INTS2: variants seen among roughly 807,000 people sequenced by gnomAD.
INTS2 encodes the protein integrator complex subunit 2, also known as KIAA1287.
Under a neutral mutation model 139.6 loss-of-function variants are expected in INTS2, and 57 were observed. The ratio of observed to expected loss-of-function variants is 0.41; its 90% CI spans 0.33 to 0.51. The LOEUF (loss-of-function observed/expected upper bound fraction) is 0.51, where lower values mean the gene tolerates loss of function less well. INTS2 is among the 20% of genes least tolerant of loss of function. The probability of loss-of-function intolerance (pLI) is 0.28; values close to 1 mark genes in which losing one functional copy is unlikely to be tolerated. For missense variants in INTS2, 1,196 were observed against 1,436.7 expected, an observed-to-expected ratio of 0.83 and a Z score of 2.71; for synonymous variants, 473 against 493.4, an observed-to-expected ratio of 0.96 and a Z score of 0.55.
At position 61,871,520 on chromosome 17, in the gene INTS2, T is replaced by C. The variant is rs1441936475; in HGVS notation, c.2778+745A>G. On this transcript the variant is annotated intron_variant, in intron 20 of 24. Coordinates refer to ENST00000251334, the MANE Select transcript of INTS2 (RefSeq NM_001351695.2). The surrounding 1 kb of genome is among the most constrained non-coding windows in gnomAD (Gnocchi z 4.9). The stretch of plus-strand genomic sequence containing the variant: ...TACATGCAGTTGTTTTTCTGTTGTC[T>C]GTCTCCATAATTTGACATTTGATCT... 6.6e-6 allele frequency among the ~76,000 whole-genome samples: 1 copy of C among 152,248 alleles called. No homozygotes were observed. Among genetic ancestry groups the C allele is most frequent in the Admixed American group, 6.5e-5 (1 of 15,286 alleles).
rs535460166 is a variant in INTS2, at chr17:61,922,969, C to G, written c.433-1142G>C. On this transcript the variant is annotated intron_variant, in intron 3 of 24. Transcript: ENST00000251334. ...GCGGGTGCCTGTAATTCTAGCTACT[C>G]AGGAGGCTGAGGCAGGAGAATCGCT... is the stretch of plus-strand genomic sequence containing the variant. Among the ~76,000 whole-genome samples, 3 of 150,842 alleles carry G rather than the reference C, an allele frequency of 2.0e-5. No individual in the cohort carries two copies. In the East Asian group the frequency reaches 5.9e-4, roughly 30 times the overall value.
chr17:61,893,845 T>C lies in INTS2; in HGVS notation c.1618A>G (p.Ile540Val), dbSNP rs913404570. ...VPVTSNLSAN[I>V]TGFLPIHCIY... The stretch of plus-strand genomic sequence containing the variant: ...CAATGAATAGGCAAAAATCCAGTAA[T>C]GTTGGCACTCAGGTTGCTGGTGACA... Residue 540 changes from isoleucine to valine, a missense_variant, in exon 13 of 25, where the codon ATT becomes GTT. This residue lies in a region of INTS2 where 1,129 missense variants were observed against 1,341.9 expected (regional missense o/e 0.84). Coordinates refer to ENST00000251334, the MANE Select transcript of INTS2 (RefSeq NM_001351695.2). This position sits in a 1 kb window ranked among gnomAD's most constrained non-coding sequence, Gnocchi z 5.4. 6.9e-6 allele frequency: 11 copies of C among 1,582,842 alleles called. No individual in the cohort carries two copies. The highest frequency in any genetic ancestry group is 1.7e-4 in the Middle Eastern group (1 of 6,034).
chr17:61,897,513 G>T lies in INTS2; in HGVS notation c.1450C>A (p.Leu484Ile). The T allele has an allele frequency of 6.2e-7, 1 of 1,603,578 alleles. No homozygotes were observed. Among genetic ancestry groups the T allele is most frequent in the African/African-American group, 1.3e-5 (1 of 74,782 alleles). ...CAGACCAAGTCAATGATAGCACTAAGCTGGTTGCTGTGAAAGTACATAGCC... is the reference window on the plus strand; with the variant it reads ...CAGACCAAGTCAATGATAGCACTAATCTGGTTGCTGTGAAAGTACATAGCC... The part of the protein sequence containing the change: ...LVAMYFHSNQ[L>I]SAIIDLVCST... Residue 484 changes from leucine (L) to isoleucine (I), a missense_variant, in exon 11 of 25, where the codon CTT (leucine) becomes ATT (isoleucine). By Grantham distance (5) the Leu-to-Ile change is conservative. This residue lies in a region of INTS2 where 1,129 missense variants were observed against 1,341.9 expected (regional missense o/e 0.84). Transcript: ENST00000251334. This position sits in a 1 kb window ranked among gnomAD's most constrained non-coding sequence, Gnocchi z 4.4.
Position 61,876,488 on chromosome 17 carries a change from G to A in INTS2, c.2456+1399C>T, listed in dbSNP as rs2079128330. On this transcript the variant is annotated intron_variant, in intron 18 of 24. Coordinates refer to ENST00000251334, the MANE Select transcript of INTS2 (RefSeq NM_001351695.2). The surrounding 1 kb of genome is among the most constrained non-coding windows in gnomAD (Gnocchi z 4.1). The stretch of plus-strand genomic sequence containing the variant: ...TTTCTTTTGTTTTTTTTTGAGACAG[G>A]GTTTCAGTGGCACGATCTCACCTCA... 6.6e-6 allele frequency among the ~76,000 whole-genome samples: 1 copy of A among 151,628 alleles called. No homozygotes were observed. Among genetic ancestry groups the A allele is most frequent in the Non-Finnish European group, 1.5e-5 (1 of 67,874 alleles).
At position 61,867,944 on chromosome 17, in the gene INTS2, G is replaced by A. The variant is rs200045829; in HGVS notation, c.3310C>T (p.Arg1104Ter). ...TCCTCATACAATGGAGGAAATGCTC[G>A]ACAAAAAGAGACCAAACTTGGCAGA... is the stretch of plus-strand genomic sequence containing the variant. ...PTLPSLVSFCRAFPPLYEDIM... is the reference protein window; with the variant it reads ...PTLPSLVSFC Residue 1104 changes from arginine (R) to a stop codon, truncating the protein, a stop_gained, in exon 24 of 25, where the codon CGA becomes TGA. Coordinates refer to ENST00000251334, the MANE Select transcript of INTS2 (RefSeq NM_001351695.2). LOFTEE classifies it high-confidence loss of function. This position sits in a 1 kb window ranked among gnomAD's most constrained non-coding sequence, Gnocchi z 5.6. The A allele has an allele frequency of 2.5e-6, 4 of 1,611,814 alleles. No individual in the cohort carries two copies. The highest frequency in any genetic ancestry group is 2.2e-5 in the East Asian group (1 of 44,794).
At chr17:61,906,327 A>T (rs2079462495) in intron 8 of INTS2, among the ~76,000 whole-genome samples, 1 of 152,210 alleles carries the variant, frequency 6.6e-6, no homozygotes, top group African/African-American at 2.4e-5. Flanking sequence ...TCTGGTCTCA[A>T]GCATTTCAGA....
Position 61,870,016 on chromosome 17 carries a change from T to A in INTS2, c.2779-28A>T. 1 of 1,574,442 alleles carries A rather than the reference T, an allele frequency of 6.4e-7. No homozygotes were observed. Among genetic ancestry groups the A allele is most frequent in the Non-Finnish European group, 8.6e-7 (1 of 1,161,278 alleles). On this transcript the variant is annotated intron_variant, in intron 20 of 24. Transcript: ENST00000251334. The surrounding 1 kb of genome is among the most constrained non-coding windows in gnomAD (Gnocchi z 4.4). ...ATAAGCAAACAAAACATAGAAAAAG[T>A]AAGAAGTTTCTAAGAAGTTAAAAAA...
chr17:61,882,685 T>C lies in INTS2; in HGVS notation c.2090-1514A>G, dbSNP rs2079187988. 6.6e-6 allele frequency among the ~76,000 whole-genome samples: 1 copy of C among 152,160 alleles called. No individual in the cohort carries two copies. The highest frequency in any genetic ancestry group is 2.4e-5 in the African/African-American group (1 of 41,448). On this transcript the variant is annotated intron_variant, in intron 16 of 24. Coordinates refer to ENST00000251334, the MANE Select transcript of INTS2 (RefSeq NM_001351695.2). This position sits in a 1 kb window ranked among gnomAD's most constrained non-coding sequence, Gnocchi z 4.7. The stretch of plus-strand genomic sequence containing the variant: ...TGGAGGTTGCAGTGAGCCAAGATCA[T>C]GCCATTGCACTCCAGCCTGGGTGAC...
In INTS2 at chr17:61,897,477, C is replaced by T. The variant is rs1358971776; in HGVS notation, c.1486G>A (p.Gly496Arg). ...AGTTAAAAGAAAATTACCTTCATCC[C>T]CAAAGTGGAACAGACCAAGTCAATG... The part of the protein sequence containing the change: ...AIIDLVCSTL[G>R]MKIVIKPSSL... The change falls in exon 11 of 25, where the codon GGG becomes AGG. Residue 496 changes from glycine (G) to arginine (R), a missense_variant. Physicochemically the swap from Gly to Arg is moderately radical, Grantham distance 125. Around this residue, in one of 3 missense-constraint regions of INTS2, gnomAD observed 1,129 missense variants for 1,341.9 expected, o/e 0.84. Transcript: ENST00000251334. The surrounding 1 kb of genome is among the most constrained non-coding windows in gnomAD (Gnocchi z 4.4). 3 of 1,561,600 alleles carry T rather than the reference C, an allele frequency of 1.9e-6. No individual in the cohort carries two copies. In the Admixed American group the frequency reaches 6.2e-5, roughly 32 times the overall value.
rs1397178091 is a variant in INTS2, at chr17:61,872,272, G to A, written c.2771C>T (p.Ala924Val). Residue 924 changes from alanine to valine, a missense_variant, in exon 20 of 25, where the codon GCC becomes GTC. This residue lies in a region of INTS2 where 1,129 missense variants were observed against 1,341.9 expected (regional missense o/e 0.84). Coordinates refer to ENST00000251334, the MANE Select transcript of INTS2 (RefSeq NM_001351695.2). The surrounding 1 kb of genome is among the most constrained non-coding windows in gnomAD (Gnocchi z 4.8). ...TREELKNALL[A>V]AQDSAAVQIL... is the part of the protein sequence containing the mutation. ...TACTTTAGCAAAATTTACCTGAGCG[G>A]CCAGTAATGCATTTTTCAATTCTTC... is the stretch of plus-strand genomic sequence containing the variant. 6.2e-7 allele frequency: 1 copy of A among 1,607,584 alleles called. No homozygotes were observed. The highest frequency in any genetic ancestry group is 1.7e-5 in the Admixed American group (1 of 59,718).
Position 61,872,362 on chromosome 17 carries a change from T to C in INTS2, c.2681A>G (p.Asp894Gly). Residue 894 changes from aspartate to glycine, a missense_variant, in exon 20 of 25, where the codon GAT becomes GGT. Physicochemically the swap from Asp to Gly is moderately conservative, Grantham distance 94 (BLOSUM62 -1). Transcript: ENST00000251334. The surrounding 1 kb of genome is among the most constrained non-coding windows in gnomAD (Gnocchi z 4.8). ...LSAHLKETEQ[D>G]RPSQNNTIGL... Reference sequence around the variant, plus strand: ...AATTGTATTATTCTGGGAAGGCCTATCTTGCTCTGTTTCCTTCAGATGAGC... The same window carrying C: ...AATTGTATTATTCTGGGAAGGCCTACCTTGCTCTGTTTCCTTCAGATGAGC... The C allele has an allele frequency of 6.2e-7, 1 of 1,612,958 alleles. No homozygotes were observed. Among genetic ancestry groups the C allele is most frequent in the Non-Finnish European group, 8.5e-7 (1 of 1,179,086 alleles).
chr17:61,868,073 C>T lies in INTS2; in HGVS notation c.3245-64G>A. The T allele has an allele frequency of 2.3e-6, 3 of 1,303,032 alleles. No individual in the cohort carries two copies. Among genetic ancestry groups the T allele is most frequent in the Non-Finnish European group, 3.1e-6 (3 of 961,544 alleles). The allele number at this position is 1,303,032 out of a possible 1,614,324, so 80.7% of individuals were successfully genotyped here. The stretch of plus-strand genomic sequence containing the variant: ...TATAAATTCAACACAGCTTACACAA[C>T]ATACTAAGGGGAACTATGCTCTGTG... On this transcript the variant is annotated intron_variant, in intron 23 of 24. Coordinates refer to ENST00000251334, the MANE Select transcript of INTS2 (RefSeq NM_001351695.2). This position sits in a 1 kb window ranked among gnomAD's most constrained non-coding sequence, Gnocchi z 4.7.
intron 3 of INTS2, among the ~76,000 whole-genome samples, chr17:61,923,401 C>T (rs910994622): frequency 4.1e-4 from 57 of 138,054 alleles, no homozygotes; most frequent in Admixed American, 3.1e-3. Flanking sequence ...GGTGTGAACC[C>T]GGGAGGCGGA....
Position 61,904,581 on chromosome 17 carries a change from T to C in INTS2, c.1186A>G (p.Thr396Ala). 1 of 1,609,756 alleles carries C rather than the reference T, an allele frequency of 6.2e-7. No homozygotes were observed. The highest frequency in any genetic ancestry group is 8.5e-7 in the Non-Finnish European group (1 of 1,178,368). Residue 396 changes from threonine to alanine, a missense_variant, in exon 9 of 25, where the codon ACT becomes GCT. Transcript: ENST00000251334. ...ALMGIAGLKP[T>A]EEEAEQLLQL... is the part of the protein sequence containing the mutation. ...AGTAATTGCTCAGCTTCTTCTTCAG[T>C]TGGTCTAAAAAGGAATACATCATTA... is the stretch of plus-strand genomic sequence containing the variant.
chr17:61,875,147 T>C lies in INTS2; in HGVS notation c.2457-109A>G. On this transcript the variant is annotated intron_variant, in intron 18 of 24. Transcript: ENST00000251334. This position sits in a 1 kb window ranked among gnomAD's most constrained non-coding sequence, Gnocchi z 4.6. ...TTATATTCAGTAAATAATTAGAAAA[T>C]ACATATGAATGAACTTTGAAAAAAT... The C allele has an allele frequency of 1.3e-6, 1 of 744,764 alleles. No homozygotes were observed. The highest frequency in any genetic ancestry group is 2.0e-6 in the Non-Finnish European group (1 of 512,344). The allele number at this position is 744,764 out of a possible 1,614,324, so 46.1% of individuals were successfully genotyped here.
intron 12 of INTS2, 102 bp from the exon 13 acceptor site, chr17:61,894,001 G>A (rs561181937): frequency 1.2e-5 from 8 of 643,522 alleles, no homozygotes; most frequent in Non-Finnish European, 2.0e-5. Context: ...TACAAGTGTG[G>A]TCCCTAGAAA....
At chr17:61,925,322 G>A (rs1321161206) in intron 2 of INTS2, among the ~76,000 whole-genome samples, 2 of 151,954 alleles carry the variant, frequency 1.3e-5, no homozygotes, top group Non-Finnish European at 2.9e-5. Flanking sequence ...GGCTCACGCC[G>A]GTAATCCCAG....
Position 61,867,956 on chromosome 17 carries a change from C to T in INTS2, c.3298G>A (p.Val1100Ile), listed in dbSNP as rs908403824. Residue 1100 changes from valine (V) to isoleucine (I), a missense_variant, in exon 24 of 25, where the codon GTC becomes ATC. Around this residue, in one of 3 missense-constraint regions of INTS2, gnomAD observed 1,129 missense variants for 1,341.9 expected, o/e 0.84. Coordinates refer to ENST00000251334, the MANE Select transcript of INTS2 (RefSeq NM_001351695.2). This position sits in a 1 kb window ranked among gnomAD's most constrained non-coding sequence, Gnocchi z 5.6. ...GGAGGAAATGCTCGACAAAAAGAGA[C>T]CAAACTTGGCAGAGTTGGCATAAAA... ...AFFMPTLPSL[V>I]SFCRAFPPLY... The T allele has an allele frequency of 6.2e-7, 1 of 1,610,558 alleles. No homozygotes were observed. Among genetic ancestry groups the T allele is most frequent in the African/African-American group, 1.3e-5 (1 of 74,650 alleles).
chr17:61,912,706 T>C lies in INTS2; in HGVS notation c.650-636A>G, dbSNP rs147755721. ...TAAACCCAGTTCAATGAGCCCTAAG[T>C]GGAACAAATGCAAAGAAAATCATAC... is the stretch of plus-strand genomic sequence containing the variant. On this transcript the variant is annotated intron_variant, in intron 5 of 24. Transcript: ENST00000251334. 3.5e-3 allele frequency among the ~76,000 whole-genome samples: 526 copies of C among 152,062 alleles called. 2 individuals carry two copies. The highest frequency in any genetic ancestry group is 0.011 in the African/African-American group (474 of 41,462).
Sources: gnomAD v4.1 joint callset for allele counts (sites outside exome capture counted in the v4.1 genomes callset) on GRCh38, gnomAD v4.1.1 for gene constraint, gnomAD v4.1.1 regional missense constraint, Gnocchi (gnomAD v3.1) non-coding constraint, MANE v1.5 for transcripts, NCBI Gene and HGNC (gene_info 2026-07-23, HGNC 2026-07-21) for gene names.